Variants in EPHA3 observed in about 807,000 individuals in gnomAD.
EPHA3 encodes ephrin type-A receptor 3.
EPHA3 carries 42 observed loss-of-function variants against 107.1 expected under a neutral mutation model. That is an observed-to-expected ratio of 0.39 (90% CI 0.31 to 0.51). The LOEUF is 0.51. Among genes scored for constraint, EPHA3 ranks in the 20% least tolerant of loss-of-function variants. EPHA3 has a pLI of 0.78. For missense variants in EPHA3, 1,183 were observed against 1,211.2 expected, an observed-to-expected ratio of 0.98 and a Z score of 0.35; for synonymous variants, 461 against 424.8, an observed-to-expected ratio of 1.09 and a Z score of -1.05.
intron 1 of EPHA3, among the ~76,000 whole-genome samples, chr3:89,114,898 A>G (rs918454324): frequency 5.9e-5 from 9 of 152,184 alleles, no homozygotes; most frequent in Non-Finnish European, 2.9e-5. Flanking sequence ...CGGGCCTGGC[A>G]GGTCCTGACC....
chr3:89,123,896 C>CA (rs1704027886), intron 1 of EPHA3, among the ~76,000 whole-genome samples: 1 of 152,066 alleles, frequency 6.6e-6, no homozygotes, highest in Admixed American at 6.6e-5. Context: ...AAATATTTGG[C>CA]AATCACATCA....
chr3:89,286,612 G>A (rs2107322449), intron 3 of EPHA3, among the ~76,000 whole-genome samples: 1 of 152,214 alleles, frequency 6.6e-6, no homozygotes. Context: ...ATGACACAGA[G>A]GAGTCAGAAT....
chr3:89,136,403 G>A (rs1432481178), intron 2 of EPHA3, among the ~76,000 whole-genome samples: 2 of 112,812 alleles, frequency 1.8e-5, no homozygotes, highest in African/African-American at 3.4e-5. Context: ...AAGGGAAAAC[G>A]TGGACAGGTG....
At chr3:89,365,979 A>G (rs1427663478) in intron 5 of EPHA3, among the ~76,000 whole-genome samples, 1 of 150,720 alleles carries the variant, frequency 6.6e-6, no homozygotes, top group Non-Finnish European at 1.5e-5. Flanking sequence ...AAGTGACACA[A>G]TCAGGCCTAT....
intron 5 of EPHA3, among the ~76,000 whole-genome samples, chr3:89,381,194 G>C (rs1423301350): frequency 1.3e-5 from 2 of 151,134 alleles, no homozygotes; most frequent in East Asian, 4.1e-4. Context: ...GGATGATCTC[G>C]ATCTCCTGAC....
At position 89,476,769 on chromosome 3, in the gene EPHA3, C is replaced by T. The variant is rs191199950; in HGVS notation, c.2847-2628C>T. The stretch of plus-strand genomic sequence containing the variant: ...AGTACAGGCGCCCGCCACCACGCCC[C>T]GCTAATTTTTTTGTATTTTTAATAG... On this transcript the variant is annotated intron_variant, in intron 16 of 16. Coordinates refer to ENST00000336596, the MANE Select transcript of EPHA3 (RefSeq NM_005233.6). Among the ~76,000 whole-genome samples the T allele has an allele frequency of 6.2e-3, 942 of 151,510 alleles. 7 individuals are homozygous for T. Among genetic ancestry groups the T allele is most frequent in the Middle Eastern group, 0.017 (5 of 294 alleles).
intron 2 of EPHA3, among the ~76,000 whole-genome samples, chr3:89,176,715 TTAACTA>T (rs1173990513): frequency 1.3e-5 from 2 of 152,094 alleles, no homozygotes; most frequent in African/African-American, 4.8e-5. Context: ...ACAAATGTAT[TTAACTA>T]TAAGTTTATT....
intron 13 of EPHA3, among the ~76,000 whole-genome samples, chr3:89,433,257 G>A (rs1033329985): frequency 4.6e-5 from 7 of 151,834 alleles, no homozygotes; most frequent in African/African-American, 1.5e-4. Flanking sequence ...AAAGATGGTA[G>A]TCTTCTGCTG....
intron 3 of EPHA3, among the ~76,000 whole-genome samples, chr3:89,213,659 C>A (rs1205392079): frequency 6.6e-6 from 1 of 151,926 alleles, no homozygotes; most frequent in Non-Finnish European, 1.5e-5. Flanking sequence ...TGCATATTAT[C>A]TTTCTGCTTT....
chr3:89,275,054 G>C (rs73135461), intron 3 of EPHA3, among the ~76,000 whole-genome samples: 1 of 152,086 alleles, frequency 6.6e-6, no homozygotes, highest in Non-Finnish European at 1.5e-5. Flanking sequence ...GCTTTGAGTG[G>C]TTGTGACTTG....
intron 10 of EPHA3, among the ~76,000 whole-genome samples, chr3:89,418,481 C>T (rs1709294101): frequency 6.6e-6 from 1 of 151,290 alleles, no homozygotes; most frequent in Admixed American, 6.6e-5. Flanking sequence ...TTTATATCAA[C>T]TGGACTATAA....
chr3:89,229,910 T>C (rs1704589419), intron 3 of EPHA3, among the ~76,000 whole-genome samples: 1 of 152,054 alleles, frequency 6.6e-6, no homozygotes, highest in Admixed American at 6.6e-5. Flanking sequence ...CATTTAGGAA[T>C]AGTGTAACTG....
intron 5 of EPHA3, among the ~76,000 whole-genome samples, chr3:89,373,169 AG>A: frequency 6.6e-6 from 1 of 151,880 alleles, no homozygotes; most frequent in South Asian, 2.1e-4. Flanking sequence ...AGTCTTTGCA[AG>A]GGCAAAGACT....
intron 3 of EPHA3, among the ~76,000 whole-genome samples, chr3:89,243,340 A>G (rs1704953431): frequency 6.6e-6 from 1 of 152,164 alleles, no homozygotes; most frequent in Non-Finnish European, 1.5e-5. Context: ...ACTGACTTCC[A>G]CAATGGTTGA....
intron 3 of EPHA3, among the ~76,000 whole-genome samples, chr3:89,249,940 T>G (rs1300617364): frequency 2.0e-5 from 3 of 152,208 alleles, no homozygotes; most frequent in Non-Finnish European, 4.4e-5. Flanking sequence ...AGATACACAA[T>G]TAATATCTTT....
intron 2 of EPHA3, among the ~76,000 whole-genome samples, chr3:89,206,087 G>T (rs376747134): frequency 6.6e-6 from 1 of 151,948 alleles, no homozygotes. Context: ...TGTTGTTTTC[G>T]CAAGTGGTCT....
intron 3 of EPHA3, among the ~76,000 whole-genome samples, chr3:89,299,882 C>T (rs886606520): frequency 3.9e-5 from 6 of 152,050 alleles, no homozygotes; most frequent in African/African-American, 1.4e-4. Flanking sequence ...GTAACGACTA[C>T]TCTCACAGTT....
intron 3 of EPHA3, among the ~76,000 whole-genome samples, chr3:89,246,268 G>T (rs1012909136): frequency 1.4e-4 from 21 of 152,102 alleles, no homozygotes; most frequent in Admixed American, 9.8e-4. Context: ...ATTTATAACA[G>T]AATTTAGTGT....
At chr3:89,430,570 A>G (rs1267380338) in intron 12 of EPHA3, among the ~76,000 whole-genome samples, 1 of 152,168 alleles carries the variant, frequency 6.6e-6, no homozygotes, top group Non-Finnish European at 1.5e-5. Flanking sequence ...CCAAGATTAA[A>G]TTAGATTGGA....
Sources: allele counts gnomAD v4.1 joint callset (sites outside exome capture counted in the v4.1 genomes callset), GRCh38; gene constraint gnomAD v4.1.1; transcripts MANE v1.5; gene names NCBI Gene and HGNC (gene_info 2026-07-23, HGNC 2026-07-21).